Variants in RAD51B observed in about 807,000 individuals in gnomAD.
RAD51B encodes the protein RAD51 paralog B.
Under a neutral mutation model 42.2 loss-of-function variants are expected in RAD51B, and 38 were observed. The ratio of observed to expected loss-of-function variants is 0.90; its 90% CI spans 0.70 to 1.18. The LOEUF (loss-of-function observed/expected upper bound fraction) is 1.18. Among genes scored for constraint, RAD51B ranks in the 50% most tolerant of loss-of-function variants. The probability of loss-of-function intolerance (pLI) is 0.00; values close to 1 mark genes in which losing one functional copy is unlikely to be tolerated. For missense variants in RAD51B, 373 were observed against 400.7 expected (o/e 0.93, Z 0.59); for synonymous variants, 154 against 145.2 (o/e 1.06, Z -0.43).
intron 10 of RAD51B, among the ~76,000 whole-genome samples, chr14:68,547,502 T>G (rs1483448369): frequency 6.6e-6 from 1 of 152,124 alleles, no homozygotes. Context: ...GGAAGGAGTG[T>G]TGGGGTCCAG....
chr14:68,113,235 T>C (rs926377611), intron 7 of RAD51B, among the ~76,000 whole-genome samples: 1 of 152,132 alleles, frequency 6.6e-6, no homozygotes, highest in African/African-American at 2.4e-5. Context: ...ATTTTCACCA[T>C]GCATAATAAC....
chr14:67,976,255 C>T (rs2074991822), intron 7 of RAD51B, among the ~76,000 whole-genome samples: 1 of 151,494 alleles, frequency 6.6e-6, no homozygotes, highest in African/African-American at 2.4e-5. Flanking sequence ...TAGCTGGGAC[C>T]ACAGATGCAT....
intron 8 of RAD51B, among the ~76,000 whole-genome samples, chr14:68,400,805 G>GTAACACATATTACT (rs2084080609): frequency 6.6e-6 from 1 of 152,130 alleles, no homozygotes; most frequent in African/African-American, 2.4e-5. Flanking sequence ...TTACTTAAGG[G>GTAACACATATTACT]TAATATGTGT....
At chr14:68,398,175 G>T (rs1204095361) in intron 8 of RAD51B, among the ~76,000 whole-genome samples, 3 of 152,260 alleles carry the variant, frequency 2.0e-5, no homozygotes, top group African/African-American at 7.2e-5. Flanking sequence ...CCGGGGCCCA[G>T]CTCTCCCTCT....
At chr14:68,291,827 G>T (rs908366224) in intron 7 of RAD51B, 57 bp from the exon 8 acceptor site, 181 of 1,322,870 alleles carry the variant, frequency 1.4e-4, no homozygotes, top group Admixed American at 6.3e-4. Flanking sequence ...AATTAATTTG[G>T]TCTTCCCTGT....
At chr14:67,865,240 C>CT in intron 5 of RAD51B, 101 bp downstream of exon 5, 3 of 1,135,350 alleles carry the variant, frequency 2.6e-6, no homozygotes, top group Non-Finnish European at 2.3e-6. Context: ...CTCCCCCTTG[C>CT]CTTTTTTTTT....
chr14:68,330,786 TCA>T (rs1231642440), intron 8 of RAD51B, among the ~76,000 whole-genome samples: 2 of 152,230 alleles, frequency 1.3e-5, no homozygotes, highest in Non-Finnish European at 2.9e-5. Context: ...CATTAGCAAT[TCA>T]CAGTTAGTTT....
chr14:68,491,722 G>A (rs1020349414), intron 10 of RAD51B, among the ~76,000 whole-genome samples: 1 of 152,210 alleles, frequency 6.6e-6, no homozygotes, highest in African/African-American at 2.4e-5. Flanking sequence ...TTTGTAAAAT[G>A]GGAATAGAAA....
At chr14:68,421,887 G>A (rs1379305629) in intron 9 of RAD51B, 4 of 1,590,312 alleles carry the variant, frequency 2.5e-6, no homozygotes, top group Non-Finnish European at 3.4e-6. Context: ...GTTGGGTCCA[G>A]CATTTGCCAT....
intron 7 of RAD51B, among the ~76,000 whole-genome samples, chr14:67,921,567 T>TCTCACA (rs1333717744): frequency 7.9e-6 from 1 of 125,876 alleles, no homozygotes; most frequent in African/African-American, 3.0e-5. Context: ...TATGTGCACA[T>TCTCACA]CACACACACA....
intron 7 of RAD51B, among the ~76,000 whole-genome samples, chr14:67,918,454 C>G (rs2044225989): frequency 6.6e-6 from 1 of 152,154 alleles, no homozygotes; most frequent in Non-Finnish European, 1.5e-5. Context: ...AGGCTAGTCT[C>G]AAACTCCTGA....
chr14:68,062,694 A>G (rs960196821), intron 7 of RAD51B, among the ~76,000 whole-genome samples: 1 of 151,878 alleles, frequency 6.6e-6, no homozygotes, highest in Non-Finnish European at 1.5e-5. Context: ...CTGTAATCCT[A>G]GCTACTCAGG....
chr14:68,518,347 G>A (rs948863685), intron 10 of RAD51B, among the ~76,000 whole-genome samples: 5 of 152,180 alleles, frequency 3.3e-5, no homozygotes, highest in African/African-American at 7.2e-5. Context: ...AAGTGATTGC[G>A]TAGCTGTTCT....
At chr14:68,235,353 G>A (rs1033474869) in intron 7 of RAD51B, among the ~76,000 whole-genome samples, 2 of 151,860 alleles carry the variant, frequency 1.3e-5, no homozygotes, top group African/African-American at 4.8e-5. Flanking sequence ...AGATCAAGCA[G>A]AAGAGGAGGG....
intron 7 of RAD51B, among the ~76,000 whole-genome samples, chr14:68,115,880 A>T (rs1415764823): frequency 6.6e-6 from 1 of 152,046 alleles, no homozygotes; most frequent in Non-Finnish European, 1.5e-5. Context: ...TTAAAACAGA[A>T]ATCAGAGGAG....
chr14:68,428,734 TATATATATATATATA>T (rs2084919341), intron 9 of RAD51B, among the ~76,000 whole-genome samples: 1 of 27,866 alleles, frequency 3.6e-5, no homozygotes, highest in South Asian at 3.5e-3. Flanking sequence ...TATATATATA[TATATATATATATATA>T]TATATATATA....
chr14:67,929,700 A>G (rs939393563), intron 7 of RAD51B, among the ~76,000 whole-genome samples: 6 of 152,100 alleles, frequency 3.9e-5, no homozygotes, highest in Non-Finnish European at 7.4e-5. Flanking sequence ...TTATTGTATT[A>G]GAGCCTGTCT....
At chr14:68,019,622 T>G (rs931923273) in intron 7 of RAD51B, among the ~76,000 whole-genome samples, 2 of 151,900 alleles carry the variant, frequency 1.3e-5, no homozygotes, top group African/African-American at 4.8e-5. Flanking sequence ...TTCCAGAGGG[T>G]GGACTTTGGA....
intron 7 of RAD51B, among the ~76,000 whole-genome samples, chr14:68,279,720 G>A (rs1474566764): frequency 2.6e-5 from 4 of 151,860 alleles, no homozygotes; most frequent in South Asian, 2.1e-4. Context: ...CAACCCATCC[G>A]AAAAATAAAT....
Sources: gnomAD v4.1 joint callset for allele counts (sites outside exome capture counted in the v4.1 genomes callset) on GRCh38, gnomAD v4.1.1 for gene constraint, MANE v1.5 for transcripts, NCBI Gene and HGNC (gene_info 2026-07-23, HGNC 2026-07-21) for gene names.